The following RAX variants were observed in gnomAD, a reference collection of about 807,000 sequenced individuals.
RAX encodes the protein retinal homeobox protein Rx.
In RAX, 11 loss-of-function variants were observed where a neutral mutation model predicts 17.4. That is an observed-to-expected ratio of 0.63 (90% confidence interval 0.40 to 1.05). The LOEUF is 1.05. RAX is among the 50% of genes least tolerant of loss of function. RAX has a pLI of 0.00. For missense variants in RAX, 527 were observed against 501.1 expected (o/e 1.05, Z -0.49); for synonymous variants, 276 against 254.7 (o/e 1.08, Z -0.80).
rs572395091 is a variant in RAX at position 59,268,103 on chromosome 18, G to A, written c.*901C>T. On this transcript the variant is annotated 3_prime_UTR_variant, in exon 3 of 3. Coordinates refer to ENST00000334889, the MANE Select transcript of RAX (RefSeq NM_013435.3). The surrounding 1 kb of genome is among the most constrained non-coding windows in gnomAD (Gnocchi z 4.4). ...CGGAGATCTGCTTGGTGAACTGAGA[G>A]GAGTCCTTAGGAGAGCGGGGACGCC... is the stretch of plus-strand genomic sequence containing the variant. 4 of 152,562 alleles carry A rather than the reference G, an allele frequency of 2.6e-5. No individual in the cohort carries two copies. Among genetic ancestry groups the A allele is most frequent in the African/African-American group, 9.6e-5 (4 of 41,556 alleles). The allele number at this position is 152,562 out of a possible 1,614,324, so 9.5% of individuals were successfully genotyped here.
chr18:59,273,392 A>G lies in RAX; in HGVS notation c.-186T>C. The G allele has an allele frequency of 1.6e-6, 1 of 638,014 alleles. No homozygotes were observed. Among genetic ancestry groups the G allele is most frequent in the Non-Finnish European group, 2.5e-6 (1 of 395,504 alleles). The allele number at this position is 638,014 out of a possible 1,614,324, so 39.5% of individuals were successfully genotyped here. A position where few individuals can be genotyped will look rare whatever the true frequency, so the allele number is the denominator to read the frequency against. On this transcript the variant is annotated 5_prime_UTR_variant, in exon 1 of 3. Transcript: ENST00000334889. ...CTCAGCCCGCTGCCGCCTTAGTCCC[A>G]GAAGTCGGAAGTTCGGGCTCGGGGT...
At position 59,272,538 on chromosome 18, in the gene RAX, G is replaced by T. The variant is rs369250755; in HGVS notation, c.366C>A (p.Gly122=). 1.2e-6 allele frequency: 2 copies of T among 1,614,200 alleles called. No individual in the cohort carries two copies. Among genetic ancestry groups the T allele is most frequent in the Non-Finnish European group, 1.7e-6 (2 of 1,180,044 alleles). ...SPGLPVGPAT[G]EAKLSEEEQP... ...GTTCCTCCTCTGACAGTTTCGCTTC[G>T]CCGGTGGCTGGCCCGACGGGCAGCC... Residue 122 remains glycine (G), a synonymous_variant, in exon 2 of 3, where the codon GGC becomes GGA. Transcript: ENST00000334889.
chr18:59,270,375 A>AAG (rs1318330940), intron 2 of RAX, among the ~76,000 whole-genome samples: 15 of 152,342 alleles, frequency 9.8e-5, no homozygotes, highest in African/African-American at 3.6e-4. Context: ...CCTTAGCTCA[A>AAG]TGACAAGGTT....
chr18:59,272,552 C>T lies in RAX; in HGVS notation c.352G>A (p.Gly118Arg). The T allele has an allele frequency of 6.2e-7, 1 of 1,614,144 alleles. No homozygotes were observed. The highest frequency in any genetic ancestry group is 2.2e-5 in the East Asian group (1 of 44,862). Residue 118 changes from glycine (G) to arginine (R), a missense_variant, in exon 2 of 3, where the codon GGG (glycine) becomes AGG (arginine). Coordinates refer to ENST00000334889, the MANE Select transcript of RAX (RefSeq NM_013435.3). ...AGTTTCGCTTCGCCGGTGGCTGGCCCGACGGGCAGCCCTGGGCTCGGCCGT... is the reference window on the plus strand; with the variant it reads ...AGTTTCGCTTCGCCGGTGGCTGGCCTGACGGGCAGCCCTGGGCTCGGCCGT... ...EARPSPGLPV[G>R]PATGEAKLSE...
chr18:59,269,343 CGGCCCGCCACCGCTGCCCG>C lies in RAX; in HGVS notation c.683_701del (p.Pro228ArgfsTer51). On this transcript the variant is annotated frameshift_variant, in exon 3 of 3. Transcript: ENST00000334889. LOFTEE classifies it low-confidence loss of function (END_TRUNC). ...ACTCCAGCGGCAGCGCGCCCCCAGC[CGGCCCGCCACCGCTGCCCG>C]GGCCCGCCCCGAGGGGCGACAGCGT... 2.2e-6 allele frequency: 3 copies of C among 1,341,736 alleles called. No individual in the cohort carries two copies. The highest frequency in any genetic ancestry group is 9.5e-7 in the Non-Finnish European group (1 of 1,049,128). The allele number at this position is 1,341,736 out of a possible 1,614,324, so 83.1% of individuals were successfully genotyped here.
chr18:59,269,652 G>A (rs1340157028), intron 2 of RAX, 151 bp from the exon 3 acceptor site: 3 of 809,734 alleles, frequency 3.7e-6, no homozygotes, highest in Non-Finnish European at 5.5e-6. Flanking sequence ...GAGAGGCCCG[G>A]ATCTTCCTTC....
In RAX at chr18:59,273,432, G is replaced by A. The variant is rs1002583129; in HGVS notation, c.-226C>T. 10 of 554,658 alleles carry A rather than the reference G, an allele frequency of 1.8e-5. No individual in the cohort carries two copies. The highest frequency in any genetic ancestry group is 2.8e-5 in the Non-Finnish European group (9 of 322,186). 34.4% of individuals were successfully genotyped at this position (554,658 alleles called of 1,614,324 possible). On this transcript the variant is annotated 5_prime_UTR_variant, in exon 1 of 3. Transcript: ENST00000334889. ...GGGCTCGGGGTAGCTGGGGCTCTCGGCGCTAAAGGCGGGGAGCCAACTGGC... is the reference window on the plus strand; with the variant it reads ...GGGCTCGGGGTAGCTGGGGCTCTCGACGCTAAAGGCGGGGAGCCAACTGGC...
chr18:59,270,936 C>T (rs2070333381), intron 2 of RAX, among the ~76,000 whole-genome samples: 1 of 152,154 alleles, frequency 6.6e-6, no homozygotes, highest in Admixed American at 6.5e-5. Flanking sequence ...CACTCAATTC[C>T]CTACCACATC....
intron 1 of RAX, 41 bp from the exon 2 acceptor site, chr18:59,272,655 A>G: frequency 6.3e-7 from 1 of 1,586,752 alleles, no homozygotes; most frequent in Non-Finnish European, 8.5e-7. Flanking sequence ...GCACTCCCCA[A>G]AACACCCTTG....
rs535434206 is a variant in RAX at position 59,267,704 on chromosome 18, T to A, written c.*1300A>T. The A allele has an allele frequency of 2.1e-5, 3 of 145,772 alleles. No individual in the cohort carries two copies. The highest frequency in any genetic ancestry group is 7.6e-5 in the African/African-American group (3 of 39,446). 9.0% of individuals were successfully genotyped at this position (145,772 alleles called of 1,614,324 possible). The stretch of plus-strand genomic sequence containing the variant: ...GCTGGCGGTCGCCCAGCTTCCAGTG[T>A]CAACGGTGGATATCGAGCACGCTCA... On this transcript the variant is annotated 3_prime_UTR_variant, in exon 3 of 3. Coordinates refer to ENST00000334889, the MANE Select transcript of RAX (RefSeq NM_013435.3).
In RAX at chr18:59,267,190, TC is replaced by T. The variant is rs2070285236; in HGVS notation, c.*1813del. The T allele has an allele frequency of 6.6e-6, 1 of 152,204 alleles. No individual in the cohort carries two copies. Among genetic ancestry groups the T allele is most frequent in the Non-Finnish European group, 1.5e-5 (1 of 68,052 alleles). 9.4% of individuals were successfully genotyped at this position (152,204 alleles called of 1,614,324 possible). A position where few individuals can be genotyped will look rare whatever the true frequency, so the allele number is the denominator to read the frequency against. On this transcript the variant is annotated 3_prime_UTR_variant, in exon 3 of 3. Coordinates refer to ENST00000334889, the MANE Select transcript of RAX (RefSeq NM_013435.3). ...AATTTATTCAGTACATTTTTACTGA[TC>T]AGCCTACTGTGTGCAAGGCACCATC... is the stretch of plus-strand genomic sequence containing the variant.
chr18:59,273,294 A>C lies in RAX; in HGVS notation c.-88T>G. The C allele has an allele frequency of 2.2e-6, 3 of 1,344,234 alleles. No individual in the cohort carries two copies. The highest frequency in any genetic ancestry group is 1.5e-5 in the African/African-American group (1 of 66,268). 83.3% of individuals were successfully genotyped at this position (1,344,234 alleles called of 1,614,324 possible). A position where few individuals can be genotyped will look rare whatever the true frequency, so the allele number is the denominator to read the frequency against. On this transcript the variant is annotated 5_prime_UTR_variant, in exon 1 of 3. Coordinates refer to ENST00000334889, the MANE Select transcript of RAX (RefSeq NM_013435.3). Reference sequence around the variant, plus strand: ...TTCCCGAGTGCGGCGGTGCAACCCGACGGGTCCCGACCCTAGGTCAAGCTC... The same window carrying C: ...TTCCCGAGTGCGGCGGTGCAACCCGCCGGGTCCCGACCCTAGGTCAAGCTC...
At position 59,273,067 on chromosome 18, in the gene RAX, A is replaced by T. The variant is rs61735443; in HGVS notation, c.140T>A (p.Ile47Asn). The T allele has an allele frequency of 6.6e-5, 101 of 1,534,980 alleles. 1 individual carries two copies. In the African/African-American group the frequency reaches 9.4e-4, roughly 14 times the overall value. Residue 47 changes from isoleucine to asparagine, a missense_variant, in exon 1 of 3, where the codon ATC becomes AAC. Transcript: ENST00000334889. ...AILGFTKDDG[I>N]LGTFPAERGA... ...CCGCTCCGCCGGGAAGGTGCCGAGG[A>T]TCCCGTCGTCCTTGGTAAACCCCAG...
rs1181527700 is a variant in RAX at position 59,268,755 on chromosome 18, C to T, written c.*249G>A. 6.5e-6 allele frequency: 4 copies of T among 620,132 alleles called. No individual in the cohort carries two copies. The highest frequency in any genetic ancestry group is 3.8e-5 in the African/African-American group (2 of 53,058). The allele number at this position is 620,132 out of a possible 1,614,324, so 38.4% of individuals were successfully genotyped here. On this transcript the variant is annotated 3_prime_UTR_variant, in exon 3 of 3. Coordinates refer to ENST00000334889, the MANE Select transcript of RAX (RefSeq NM_013435.3). The surrounding 1 kb of genome is among the most constrained non-coding windows in gnomAD (Gnocchi z 4.4). Reference sequence around the variant, plus strand: ...GCCAGCGGGGCCCGGCAGCCTGTTGCCCTCCAGCTGCAGGGCTGAGGTCCG... The same window carrying T: ...GCCAGCGGGGCCCGGCAGCCTGTTGTCCTCCAGCTGCAGGGCTGAGGTCCG...
rs1196668833 is a variant in RAX, at chr18:59,268,032, T to A, written c.*972A>T. ...AAAAGCATCTCTTTGCCTCAGTTCT[T>A]GTACCGCTGGTGATCAACCTTGGGT... On this transcript the variant is annotated 3_prime_UTR_variant, in exon 3 of 3. Coordinates refer to ENST00000334889, the MANE Select transcript of RAX (RefSeq NM_013435.3). This position sits in a 1 kb window ranked among gnomAD's most constrained non-coding sequence, Gnocchi z 4.4. 1.3e-5 allele frequency: 2 copies of A among 152,264 alleles called. No homozygotes were observed. Among genetic ancestry groups the A allele is most frequent in the Non-Finnish European group, 2.9e-5 (2 of 68,100 alleles). 9.4% of individuals were successfully genotyped at this position (152,264 alleles called of 1,614,324 possible). A position where few individuals can be genotyped will look rare whatever the true frequency, so the allele number is the denominator to read the frequency against.
chr18:59,269,389 G>A lies in RAX; in HGVS notation c.656C>T (p.Ala219Val). Residue 219 changes from alanine to valine, a missense_variant, in exon 3 of 3, where the codon GCG (alanine) becomes GTG (valine). Physicochemically the swap from Ala to Val is moderately conservative, Grantham distance 64 (BLOSUM62 0). Transcript: ENST00000334889. ...LLSFSRSPPS[A>V]TLSPLGAGPG... ...GCCCGCCCCGAGGGGCGACAGCGTC[G>A]CGGAGGGCGGGGAGCGGCTGAAGGA... The A allele has an allele frequency of 6.6e-6, 10 of 1,509,944 alleles. No homozygotes were observed. The highest frequency in any genetic ancestry group is 2.0e-5 in the Admixed American group (1 of 48,958). 93.5% of individuals were successfully genotyped at this position (1,509,944 alleles called of 1,614,324 possible).
At position 59,273,171 on chromosome 18, in the gene RAX, G is replaced by C; in HGVS notation, c.36C>G (p.Asp12Glu). ...GGTGGCCGGCAAGCGAGAAGCTCCC[G>C]TCGGCCATGGCTGGCGCGCAGCCCG... Reference protein sequence around the residue: ...HLPGCAPAMADGSFSLAGHLL... With the variant: ...HLPGCAPAMAEGSFSLAGHLL... The change falls in exon 1 of 3, where the codon GAC (aspartate) becomes GAG (glutamate). Residue 12 changes from aspartate (D) to glutamate (E), a missense_variant. Asp to Glu is a conservative substitution (Grantham distance 45, BLOSUM62 2). Coordinates refer to ENST00000334889, the MANE Select transcript of RAX (RefSeq NM_013435.3). 6.5e-7 allele frequency: 1 copy of C among 1,531,814 alleles called. No individual in the cohort carries two copies. Among genetic ancestry groups the C allele is most frequent in the Non-Finnish European group, 8.7e-7 (1 of 1,145,158 alleles). 94.9% of individuals were successfully genotyped at this position (1,531,814 alleles called of 1,614,324 possible).
chr18:59,268,979 G>C lies in RAX; in HGVS notation c.*25C>G, dbSNP rs758351067. On this transcript the variant is annotated 3_prime_UTR_variant, in exon 3 of 3. Coordinates refer to ENST00000334889, the MANE Select transcript of RAX (RefSeq NM_013435.3). This position sits in a 1 kb window ranked among gnomAD's most constrained non-coding sequence, Gnocchi z 4.4. ...GTACGGTGCGGTCGGCCCGGGGTCG[G>C]ATCCCAAGACGTTCCCCAGTGCCCC... The C allele has an allele frequency of 6.2e-7, 1 of 1,612,896 alleles. No homozygotes were observed. The highest frequency in any genetic ancestry group is 2.2e-5 in the East Asian group (1 of 44,862).
At chr18:59,269,917 C>T (rs140084077) in intron 2 of RAX, among the ~76,000 whole-genome samples, 1,881 of 152,154 alleles carry the variant, frequency 0.012, 16 homozygotes, top group Middle Eastern at 0.034. Flanking sequence ...TTTAACTCCG[C>T]AATCGAATCG....
Sources: gnomAD v4.1 joint callset for allele counts (sites outside exome capture counted in the v4.1 genomes callset) on GRCh38, gnomAD v4.1.1 for gene constraint, Gnocchi (gnomAD v3.1) non-coding constraint, MANE v1.5 for transcripts, NCBI Gene and HGNC (gene_info 2026-07-23, HGNC 2026-07-21) for gene names.